The following ELAVL4 variants were observed in gnomAD, a reference collection of about 807,000 sequenced individuals.
ELAVL4 encodes ELAV-like protein 4.
In ELAVL4, 1 loss-of-function variant was observed where a neutral mutation model predicts 35.6. That is an observed-to-expected ratio of 0.03 (90% CI 0.01 to 0.13). The LOEUF is 0.13. Among genes scored for constraint, ELAVL4 ranks in the 10% least tolerant of loss-of-function variants. ELAVL4 has a pLI of 1.00. For missense variants in ELAVL4, 267 were observed against 464.9 expected (o/e 0.57, Z 3.91); for synonymous variants, 156 against 171.0 (o/e 0.91, Z 0.69).
At chr1:50,070,131 A>G (rs770042616) in intron 1 of ELAVL4, among the ~76,000 whole-genome samples, 1 of 152,168 alleles carries the variant, frequency 6.6e-6, no homozygotes, top group Non-Finnish European at 1.5e-5. Context: ...AGCTTTCTTG[A>G]CACTGTTAAT....
chr1:50,155,270 T>C (rs906029548), intron 2 of ELAVL4, among the ~76,000 whole-genome samples: 4 of 147,010 alleles, frequency 2.7e-5, no homozygotes, highest in Non-Finnish European at 5.9e-5. Context: ...TTTCTTTACA[T>C]CAATGAAAAT....
intron 1 of ELAVL4, among the ~76,000 whole-genome samples, chr1:50,057,672 A>G (rs935599659): frequency 6.6e-6 from 1 of 152,240 alleles, no homozygotes; most frequent in African/African-American, 2.4e-5. Context: ...GTAGCGTGTG[A>G]ACAGTAGGCT....
intron 1 of ELAVL4, among the ~76,000 whole-genome samples, chr1:50,123,493 A>C (rs1669368202): frequency 6.6e-6 from 1 of 152,090 alleles, no homozygotes; most frequent in Admixed American, 6.5e-5. Flanking sequence ...CCTAAAAATA[A>C]TGTATTTTTT....
chr1:50,118,335 TTTTTGTAAC>T lies in ELAVL4; in HGVS notation c.9+9140_9+9148del. On this transcript the variant is annotated intron_variant, in intron 1 of 6. Coordinates refer to ENST00000371824, the MANE Select transcript of ELAVL4 (RefSeq NM_001144774.3). ...TGAGGCAAAAAGTGGCTTAATGAGA[TTTTTGTAAC>T]TTGCCATCAGTTTTCCTTCTGCTTG... is the stretch of plus-strand genomic sequence containing the variant. Among the ~76,000 whole-genome samples, 3 of 152,144 alleles carry T rather than the reference TTTTTGTAAC, an allele frequency of 2.0e-5. No homozygotes were observed. In the Middle Eastern group the frequency reaches 0.01, roughly 517 times the overall value.
intron 3 of ELAVL4, 129 bp from the exon 4 acceptor site, chr1:50,193,636 A>T: frequency 8.6e-7 from 1 of 1,157,800 alleles, no homozygotes; most frequent in Non-Finnish European, 1.2e-6. Context: ...AATCTGAACT[A>T]CTGAGTGATT....
In ELAVL4 at chr1:50,201,880, C is replaced by T. The variant is rs1383096370; in HGVS notation, c.*702C>T. The T allele has an allele frequency of 6.6e-6, 1 of 151,850 alleles. No individual in the cohort carries two copies. The highest frequency in any genetic ancestry group is 1.5e-5 in the Non-Finnish European group (1 of 67,964). 9.4% of individuals were successfully genotyped at this position (151,850 alleles called of 1,614,324 possible). A position where few individuals can be genotyped will look rare whatever the true frequency, so the allele number is the denominator to read the frequency against. ...TTAACATTGTTGCCAAAGAGGTGGT[C>T]TCTTTGCTGAAAATGGGTTTCAAGA... On this transcript the variant is annotated 3_prime_UTR_variant, in exon 7 of 7. Transcript: ENST00000371824. The surrounding 1 kb of genome is among the most constrained non-coding windows in gnomAD (Gnocchi z 4.3).
upstream of ELAVL4, chr1:50,108,842 C>T: frequency 1.0e-6 from 1 of 964,256 alleles, no homozygotes. Flanking sequence ...CAACGCCTCC[C>T]TTCGTTTCCC....
At chr1:50,078,106 TTGTGTGTG>T (rs56818675) in intron 1 of ELAVL4, among the ~76,000 whole-genome samples, 19 of 145,062 alleles carry the variant, frequency 1.3e-4, no homozygotes, top group African/African-American at 4.6e-4. Flanking sequence ...AATATATACC[TTGTGTGTG>T]TGTGTGTGTG....
intron 2 of ELAVL4, among the ~76,000 whole-genome samples, chr1:50,173,438 A>G (rs1477200281): frequency 6.6e-6 from 1 of 152,224 alleles, no homozygotes; most frequent in Non-Finnish European, 1.5e-5. Flanking sequence ...TGGAAAGTAC[A>G]TTCTGAATTA....
chr1:50,200,834 T>C lies in ELAVL4; in HGVS notation c.774-17T>C, dbSNP rs772924325. The C allele has an allele frequency of 6.2e-7, 1 of 1,608,848 alleles. No homozygotes were observed. The highest frequency in any genetic ancestry group is 1.1e-5 in the South Asian group (1 of 89,670). On this transcript the variant is annotated splice_polypyrimidine_tract_variant and intron_variant, in intron 6 of 6. Coordinates refer to ENST00000371824, the MANE Select transcript of ELAVL4 (RefSeq NM_001144774.3). ...ACTGATGTCTGGACCAGTCCCCCCT[T>C]CTGCTTGTCCCCCCAGGTTCTCCCC... is the stretch of plus-strand genomic sequence containing the variant.
intron 1 of ELAVL4, among the ~76,000 whole-genome samples, chr1:50,126,033 C>G (rs4411165): frequency 0.26 from 39,577 of 151,884 alleles, 5,425 homozygotes; most frequent in East Asian, 0.34. Context: ...GGCCCGGCAC[C>G]TAGTAGGCAT....
At chr1:50,080,241 C>T (rs773649302) in intron 1 of ELAVL4, among the ~76,000 whole-genome samples, 4 of 152,234 alleles carry the variant, frequency 2.6e-5, no homozygotes, top group Non-Finnish European at 4.4e-5. Flanking sequence ...TTGTACTGAT[C>T]CTGGATAGGC....
intron 1 of ELAVL4, among the ~76,000 whole-genome samples, chr1:50,116,803 A>T (rs1285143808): frequency 1.3e-5 from 2 of 152,092 alleles, no homozygotes; most frequent in African/African-American, 4.8e-5. Flanking sequence ...GATTTGACTT[A>T]TCTTTTCTTA....
chr1:50,094,020 G>A (rs1408093049), intron 1 of ELAVL4, among the ~76,000 whole-genome samples: 1 of 152,140 alleles, frequency 6.6e-6, no homozygotes, highest in African/African-American at 2.4e-5. Flanking sequence ...AGAGCTAAGA[G>A]TAGTATCTGA....
intron 1 of ELAVL4, among the ~76,000 whole-genome samples, chr1:50,111,354 G>T (rs531899914): frequency 6.6e-6 from 1 of 151,724 alleles, no homozygotes; most frequent in East Asian, 1.9e-4. Flanking sequence ...TGAAGTTGAC[G>T]GAAGCATAAT....
chr1:50,107,731 G>A (rs767172152), upstream of ELAVL4, among the ~76,000 whole-genome samples: 5 of 152,154 alleles, frequency 3.3e-5, no homozygotes, highest in Non-Finnish European at 5.9e-5. Context: ...ATTAAATTAT[G>A]AGTTAAATAA....
chr1:50,063,957 G>A (rs1356947464), intron 1 of ELAVL4, among the ~76,000 whole-genome samples: 1 of 152,032 alleles, frequency 6.6e-6, no homozygotes, highest in African/African-American at 2.4e-5. Context: ...TTTAAACTAA[G>A]GAATAAAGGA....
At chr1:50,071,775 G>A (rs1195071083) in intron 1 of ELAVL4, among the ~76,000 whole-genome samples, 2 of 152,106 alleles carry the variant, frequency 1.3e-5, no homozygotes, top group African/African-American at 4.8e-5. Context: ...TACCTCCTCT[G>A]CATTTCAGTT....
chr1:50,106,354 G>A, upstream of ELAVL4: 2 of 1,613,692 alleles, frequency 1.2e-6, no homozygotes, highest in Non-Finnish European at 8.5e-7. Context: ...TTCTTTTAAG[G>A]GAAATTGTCA....
Sources: allele counts gnomAD v4.1 joint callset (sites outside exome capture counted in the v4.1 genomes callset), GRCh38; gene constraint gnomAD v4.1.1; non-coding constraint Gnocchi (gnomAD v3.1); transcripts MANE v1.5; gene names NCBI Gene and HGNC (gene_info 2026-07-23, HGNC 2026-07-21).